The following MAP7D2 variants were observed in gnomAD, a reference collection of about 807,000 sequenced individuals.
MAP7D2 encodes the protein MAP7 domain containing 2.
MAP7D2 carries 33 observed loss-of-function variants against 63.5 expected under a neutral mutation model. The observed-to-expected ratio is 0.52, with a 90% CI of 0.39 to 0.70. The LOEUF (loss-of-function observed/expected upper bound fraction) is 0.70, where lower values mean the gene tolerates loss of function less well. MAP7D2 is among the 30% of genes least tolerant of loss of function. The pLI is 0.00. For missense variants in MAP7D2, 626 were observed against 604.0 expected (o/e 1.04, Z -0.38); for synonymous variants, 224 against 223.7 (o/e 1.00, Z -0.01).
At chrX:20,033,040 T>G (rs1159026286) in intron 8 of MAP7D2, among the ~76,000 whole-genome samples, 1 of 111,537 alleles carries the variant, frequency 9.0e-6, no homozygotes. Context: ...TGGCCCATCT[T>G]GAACCTTCAG....
chrX:20,026,585 A>G (rs1349021793), intron 8 of MAP7D2, among the ~76,000 whole-genome samples: 4 of 112,331 alleles, frequency 3.6e-5, no homozygotes, highest in Non-Finnish European at 7.5e-5. Flanking sequence ...CAAGGAACAC[A>G]GCCAAGAGAT....
intron 4 of MAP7D2, among the ~76,000 whole-genome samples, chrX:20,056,217 C>T (rs914456496): frequency 8.9e-6 from 1 of 111,912 alleles, no homozygotes; most frequent in Non-Finnish European, 1.9e-5. Context: ...AATAAGTCAC[C>T]TTGAAACAAA....
At chrX:20,017,505 T>TATGGG (rs1390406527) in intron 10 of MAP7D2, among the ~76,000 whole-genome samples, 1 of 112,621 alleles carries the variant, frequency 8.9e-6, no homozygotes, top group Non-Finnish European at 1.9e-5. Context: ...GCTAACAGCC[T>TATGGG]ATGTATGACC....
At chrX:20,013,692 T>A in intron 12 of MAP7D2, 67 bp from the exon 13 acceptor site, 1 of 750,019 alleles carries the variant, frequency 1.3e-6, no homozygotes. Flanking sequence ...TAAAAGTAGC[T>A]TGGTTTACAT....
chrX:20,116,790 C>A lies in MAP7D2; in HGVS notation c.90G>T (p.Pro30=), dbSNP rs1303577303. ...GTSLPGKIAE[P]GAVRTSQPNY... is the part of the protein sequence containing the mutation. ...TGGGCTGAGAGGTCCGCACCGCGCC[C>A]GGTTCTGCGATCTTCCCTGGGAGAG... Residue 30 remains proline (P), a synonymous_variant, in exon 1 of 17, where the codon CCG becomes CCT. Transcript: ENST00000379643. 1 of 1,191,890 alleles carries A rather than the reference C, an allele frequency of 8.4e-7. No individual in the cohort carries two copies. Among genetic ancestry groups the A allele is most frequent in the Admixed American group, 2.3e-5 (1 of 44,360 alleles).
chrX:20,086,084 T>C (rs745327261), intron 1 of MAP7D2, among the ~76,000 whole-genome samples: 3 of 112,482 alleles, frequency 2.7e-5, no homozygotes, highest in African/African-American at 9.7e-5. Context: ...AAGACCTTCA[T>C]TGTATGCAAA....
chrX:20,080,186 C>T (rs770985292), intron 1 of MAP7D2, among the ~76,000 whole-genome samples: 1 of 110,486 alleles, frequency 9.1e-6, no homozygotes, highest in Non-Finnish European at 1.9e-5. Flanking sequence ...TAAAAGAAAC[C>T]TATACAGCTA....
intron 8 of MAP7D2, among the ~76,000 whole-genome samples, chrX:20,026,323 T>TA (rs1431976667): frequency 1.8e-5 from 2 of 111,545 alleles, no homozygotes; most frequent in African/African-American, 3.3e-5. Context: ...TGGCTCCTTT[T>TA]AAAAAAATTG....
chrX:20,100,298 T>C (rs1174161626), intron 1 of MAP7D2, among the ~76,000 whole-genome samples: 1 of 111,555 alleles, frequency 9.0e-6, no homozygotes, highest in African/African-American at 3.3e-5. Flanking sequence ...TCTCCACCAG[T>C]ATAGCTACAA....
intron 3 of MAP7D2, among the ~76,000 whole-genome samples, chrX:20,060,585 C>A (rs1048370792): frequency 9.0e-6 from 1 of 111,564 alleles, no homozygotes; most frequent in Non-Finnish European, 1.9e-5. Flanking sequence ...GGAAGCTATA[C>A]TGCCCTGAGA....
chrX:20,065,312 G>C (rs1436786072), intron 1 of MAP7D2, among the ~76,000 whole-genome samples: 2 of 105,224 alleles, frequency 1.9e-5, no homozygotes, highest in Admixed American at 1.0e-4. Flanking sequence ...TGTCGCCTGG[G>C]CTGGAATGCG....
chrX:20,025,648 T>G, intron 9 of MAP7D2, 33 bp downstream of exon 9: 1 of 1,206,925 alleles, frequency 8.3e-7, no homozygotes, highest in South Asian at 1.8e-5. Context: ...GAGAACCGTC[T>G]TGGGAAAGCC....
chrX:20,038,199 C>T (rs1264016507), intron 8 of MAP7D2, among the ~76,000 whole-genome samples: 1 of 112,076 alleles, frequency 8.9e-6, no homozygotes, highest in Non-Finnish European at 1.9e-5. Flanking sequence ...GGAATAGATA[C>T]TTACTCTGGA....
At chrX:20,077,674 T>A (rs1186263238) in intron 1 of MAP7D2, among the ~76,000 whole-genome samples, 1 of 112,098 alleles carries the variant, frequency 8.9e-6, no homozygotes, top group Non-Finnish European at 1.9e-5. Flanking sequence ...TTTATTGTTC[T>A]CCACCTTCCA....
intron 1 of MAP7D2, among the ~76,000 whole-genome samples, chrX:20,100,217 T>G (rs2066392029): frequency 8.9e-6 from 1 of 112,107 alleles, no homozygotes; most frequent in Admixed American, 9.5e-5. Flanking sequence ...GCTTATAAGT[T>G]GCAATAAAGC....
At chrX:20,034,452 C>T (rs1446992015) in intron 8 of MAP7D2, among the ~76,000 whole-genome samples, 1 of 110,188 alleles carries the variant, frequency 9.1e-6, no homozygotes, top group Non-Finnish European at 1.9e-5. Flanking sequence ...TAGTTGCATC[C>T]CATACCACTG....
intron 6 of MAP7D2, among the ~76,000 whole-genome samples, chrX:20,049,461 G>T (rs1467328523): frequency 1.8e-5 from 2 of 109,140 alleles, no homozygotes; most frequent in Non-Finnish European, 3.8e-5. Flanking sequence ...TAGTAGAGAT[G>T]GGGTTTCACT....
intron 4 of MAP7D2, 35 bp downstream of exon 4, chrX:20,056,645 C>T (rs763097322): frequency 1.8e-6 from 2 of 1,135,533 alleles, no homozygotes; most frequent in Non-Finnish European, 2.4e-6. Context: ...ATTTCCCACC[C>T]AGGACCTGAA....
intron 1 of MAP7D2, among the ~76,000 whole-genome samples, chrX:20,090,665 T>C (rs1429390447): frequency 1.8e-5 from 2 of 112,535 alleles, no homozygotes; most frequent in African/African-American, 6.5e-5. Context: ...AACATACATA[T>C]GACCCAGCAA....
Sources: gnomAD v4.1 joint callset for allele counts (sites outside exome capture counted in the v4.1 genomes callset) on GRCh38, gnomAD v4.1.1 for gene constraint, MANE v1.5 for transcripts, NCBI Gene and HGNC (gene_info 2026-07-23, HGNC 2026-07-21) for gene names.